MYO1H: variants seen among roughly 807,000 people sequenced by gnomAD.
MYO1H encodes the protein unconventional myosin-Ih.
A neutral mutation model predicts 149.3 loss-of-function variants in MYO1H; 118 were observed. The ratio of observed to expected loss-of-function variants is 0.79; its 90% CI spans 0.68 to 0.92. The LOEUF is 0.92. Ranked by LOEUF, MYO1H falls within the 40% of genes least tolerant of loss-of-function variation. The probability of loss-of-function intolerance (pLI) is 0.00; values close to 1 mark genes in which losing one functional copy is unlikely to be tolerated. For missense variants in MYO1H, 1,212 were observed against 1,280.7 expected, an observed-to-expected ratio of 0.95 and a Z score of 0.82; for synonymous variants, 447 against 465.2, an observed-to-expected ratio of 0.96 and a Z score of 0.50.
intron 28 of MYO1H, among the ~76,000 whole-genome samples, 177 bp downstream of exon 28, chr12:109,443,826 C>A (rs1198409074): frequency 6.6e-6 from 1 of 151,720 alleles, no homozygotes; most frequent in Non-Finnish European, 1.5e-5. Context: ...TCACTTGAGC[C>A]TGGGAATTCG....
the MYO1H span, among the ~76,000 whole-genome samples, chr12:109,321,315 T>C: frequency 6.6e-6 from 1 of 152,028 alleles, no homozygotes; most frequent in Non-Finnish European, 1.5e-5. Context: ...ACTGGGAGGC[T>C]GAGGCAAGCA....
the MYO1H span, among the ~76,000 whole-genome samples, chr12:109,341,665 G>T: frequency 6.6e-6 from 1 of 152,156 alleles, no homozygotes; most frequent in African/African-American, 2.4e-5. Context: ...AGCATCCTCT[G>T]TGATGGGTTA....
chr12:109,438,693 G>C (rs552138072), intron 23 of MYO1H, 73 bp downstream of exon 23: 2 of 1,129,450 alleles, frequency 1.8e-6, no homozygotes, highest in South Asian at 1.4e-5. Context: ...CATGGAGGTA[G>C]ATGAGTTCTT....
At chr12:109,442,352 G>GGAC in intron 27 of MYO1H, 80 bp downstream of exon 27, 1 of 1,281,706 alleles carries the variant, frequency 7.8e-7, no homozygotes, top group Non-Finnish European at 1.1e-6. Context: ...TCCATAAAGG[G>GGAC]CGCACTATTT....
At chr12:109,440,898 C>A in intron 25 of MYO1H, 71 bp downstream of exon 25, 1 of 1,087,604 alleles carries the variant, frequency 9.2e-7, no homozygotes, top group Admixed American at 2.0e-5. Flanking sequence ...TGTCAGTCCT[C>A]CTCATCCACC....
chr12:109,412,980 GTTA>G lies in MYO1H; in HGVS notation c.1502+1007_1502+1009del, dbSNP rs530139106. Among the ~76,000 whole-genome samples the G allele has an allele frequency of 2.9e-3, 424 of 144,556 alleles. 3 individuals carry two copies. The highest frequency in any genetic ancestry group is 8.9e-3 in the African/African-American group (312 of 35,080). 94.8% of individuals were successfully genotyped at this position (144,556 alleles called of 152,430 possible). On this transcript the variant is annotated intron_variant, in intron 14 of 31. Transcript: ENST00000310903. ...TGTTGTTGTTGTTGTTGTTGTTGTT[GTTA>G]TTATTATTATTTGAGACAGAGTCTT... is the stretch of plus-strand genomic sequence containing the variant.
chr12:109,373,513 G>T (rs1238910546), intron 1 of MYO1H, among the ~76,000 whole-genome samples: 1 of 151,678 alleles, frequency 6.6e-6, no homozygotes, highest in Non-Finnish European at 1.5e-5. Flanking sequence ...TTCTAATATT[G>T]TATTCTTAGA....
chr12:109,403,299 G>A (rs747421214), intron 6 of MYO1H, among the ~76,000 whole-genome samples: 2 of 152,214 alleles, frequency 1.3e-5, no homozygotes, highest in Non-Finnish European at 2.9e-5. Flanking sequence ...TTCATGGTAT[G>A]ACACATCTGA....
intron 1 of MYO1H, among the ~76,000 whole-genome samples, chr12:109,368,388 G>T (rs1011074455): frequency 6.6e-6 from 1 of 152,192 alleles, no homozygotes; most frequent in Non-Finnish European, 1.5e-5. Flanking sequence ...GGGCACGGTG[G>T]CTCATGCCTG....
rs1872322495 is a variant in MYO1H at position 109,443,355 on chromosome 12, T to TATAC, written c.2689-158_2689-157insTACA. ...ATGTGTACGTATATATGTGTGTATATACACACACACACACACACACACACA... is the reference window on the plus strand; with the variant it reads ...ATGTGTACGTATATATGTGTGTATATATACACACACACACACACACACACACACA... On this transcript the variant is annotated intron_variant, in intron 27 of 31. Coordinates refer to ENST00000310903, the Ensembl canonical transcript of MYO1H. Among the ~76,000 whole-genome samples, 3 of 74,694 alleles carry TATAC rather than the reference T, an allele frequency of 4.0e-5. 1 individual carries two copies. Among genetic ancestry groups the TATAC allele is most frequent in the East Asian group, 8.5e-4 (2 of 2,360 alleles). 49.0% of individuals were successfully genotyped at this position (74,694 alleles called of 152,430 possible). A position where few individuals can be genotyped will look rare whatever the true frequency, so the allele number is the denominator to read the frequency against.
chr12:109,426,794 C>T (rs11066551), intron 18 of MYO1H, among the ~76,000 whole-genome samples: 10,141 of 152,094 alleles, frequency 0.067, 374 homozygotes, highest in South Asian at 0.11. Flanking sequence ...CTCACAGAGG[C>T]TAGGCAGGAA....
intron 19 of MYO1H, 97 bp from the exon 20 acceptor site, chr12:109,432,799 GC>G: frequency 2.1e-6 from 2 of 941,038 alleles, no homozygotes; most frequent in South Asian, 2.7e-5. Flanking sequence ...TGGCCGACAT[GC>G]CACAGCAGTG....
chr12:109,380,440 AAAC>A (rs1364114467), intron 1 of MYO1H, among the ~76,000 whole-genome samples: 1 of 152,222 alleles, frequency 6.6e-6, no homozygotes, highest in Non-Finnish European at 1.5e-5. Flanking sequence ...GGAACCTAAA[AAAC>A]ACAGTAATGT....
intron 1 of MYO1H, among the ~76,000 whole-genome samples, chr12:109,363,058 A>G (rs1361579209): frequency 1.3e-5 from 2 of 152,122 alleles, no homozygotes; most frequent in Non-Finnish European, 2.9e-5. Context: ...CATCTCCCTC[A>G]TAGTTATCTC....
the MYO1H span, among the ~76,000 whole-genome samples, chr12:109,323,325 A>C: frequency 1.3e-5 from 2 of 152,214 alleles, no homozygotes; most frequent in Non-Finnish European, 2.9e-5. Context: ...ATGTCTATGC[A>C]CTCGGGTTCC....
chr12:109,349,145 AG>A (rs1868401900), intron 1 of MYO1H, among the ~76,000 whole-genome samples: 1 of 152,236 alleles, frequency 6.6e-6, no homozygotes, highest in African/African-American at 2.4e-5. Context: ...TATTTGCTGT[AG>A]GTCTTGCAGT....
At chr12:109,360,552 CAT>C (rs1868722228) in intron 1 of MYO1H, among the ~76,000 whole-genome samples, 3 of 152,132 alleles carry the variant, frequency 2.0e-5, no homozygotes, top group Admixed American at 2.0e-4. Flanking sequence ...TTGTGAAACA[CAT>C]AGTTTTCTAA....
intron 1 of MYO1H, among the ~76,000 whole-genome samples, chr12:109,386,392 A>G (rs1869311326): frequency 6.6e-6 from 1 of 152,224 alleles, no homozygotes; most frequent in Non-Finnish European, 1.5e-5. Flanking sequence ...TCGCTGGATC[A>G]AAGAATAGAG....
chr12:109,443,395 TAC>T (rs1872326338), intron 27 of MYO1H, 117 bp from the exon 28 acceptor site: 2 of 788,822 alleles, frequency 2.5e-6, no homozygotes, highest in Admixed American at 2.7e-5. Context: ...CACACACACA[TAC>T]ACGCAAAATC....
Sources: allele counts gnomAD v4.1 joint callset (sites outside exome capture counted in the v4.1 genomes callset), GRCh38; gene constraint gnomAD v4.1.1; transcripts MANE v1.5; gene names NCBI Gene and HGNC (gene_info 2026-07-23, HGNC 2026-07-21).